The following SLC26A3 variants were observed in gnomAD, a reference collection of about 807,000 sequenced individuals.
SLC26A3 encodes solute carrier family 26 member 3, also known as chloride anion exchanger.
SLC26A3 carries 64 observed loss-of-function variants against 85.6 expected under a neutral mutation model. That is an observed-to-expected ratio of 0.75 (90% CI 0.61 to 0.92). The LOEUF is 0.92. Among genes scored for constraint, SLC26A3 ranks in the 40% least tolerant of loss-of-function variants. The pLI is 0.00. For synonymous variants in SLC26A3, 349 were observed against 336.0 expected (o/e 1.04, Z -0.42); for missense variants, 922 against 927.3 (o/e 0.99, Z 0.07).
At chr7:107,800,877 G>A (rs1220572009) in intron 1 of SLC26A3, among the ~76,000 whole-genome samples, 1 of 152,222 alleles carries the variant, frequency 6.6e-6, no homozygotes, top group Non-Finnish European at 1.5e-5. Flanking sequence ...TTTGGCAGGG[G>A]TGATGACAAA....
At chr7:107,797,170 C>A (rs4730263) in intron 1 of SLC26A3, among the ~76,000 whole-genome samples, 82,508 of 151,578 alleles carry the variant, frequency 0.54, 23,234 homozygotes, top group African/African-American at 0.68. Flanking sequence ...CTGCAAGGGC[C>A]CTGCTCAGGG....
chr7:107,769,650 A>G (rs747971337), intron 18 of SLC26A3, among the ~76,000 whole-genome samples: 47 of 152,168 alleles, frequency 3.1e-4, no homozygotes, highest in Non-Finnish European at 5.4e-4. Flanking sequence ...TCTGGGTGAC[A>G]AAATAATCTA....
intron 11 of SLC26A3, 73 bp downstream of exon 11, chr7:107,782,724 G>T: frequency 7.3e-7 from 1 of 1,364,340 alleles, no homozygotes. Context: ...TTTAGTTTGT[G>T]CTTTCAGAAT....
intron 18 of SLC26A3, among the ~76,000 whole-genome samples, chr7:107,771,398 A>G (rs552116041): frequency 6.6e-6 from 1 of 152,286 alleles, no homozygotes; most frequent in Non-Finnish European, 1.5e-5. Context: ...AATCATAAAC[A>G]TGTAGGAAAT....
chr7:107,800,668 G>A (rs1794583348), intron 1 of SLC26A3, among the ~76,000 whole-genome samples: 1 of 152,220 alleles, frequency 6.6e-6, no homozygotes, highest in African/African-American at 2.4e-5. Context: ...AAGAAAGTTT[G>A]TTGAAATAAA....
chr7:107,782,169 A>G (rs77017506), intron 11 of SLC26A3, among the ~76,000 whole-genome samples: 3 of 152,154 alleles, frequency 2.0e-5, no homozygotes, highest in Non-Finnish European at 2.9e-5. Context: ...GGAACAATGT[A>G]TTTACTGTCA....
intron 17 of SLC26A3, among the ~76,000 whole-genome samples, chr7:107,773,258 G>A (rs1371368043): frequency 6.6e-6 from 1 of 152,054 alleles, no homozygotes; most frequent in Non-Finnish European, 1.5e-5. Flanking sequence ...TTTTTTCCCA[G>A]GACCTTTCCA....
rs1055416477 is a variant in SLC26A3, at chr7:107,765,765, G to C, written c.*90C>G. ...ACATATTCTGTCAAAAATACTCTTC[G>C]TACAATGTATGAACTTATCAATAAC... is the stretch of plus-strand genomic sequence containing the variant. On this transcript the variant is annotated 3_prime_UTR_variant, in exon 21 of 21. Transcript: ENST00000340010. 13 of 961,136 alleles carry C rather than the reference G, an allele frequency of 1.4e-5. No individual in the cohort carries two copies. In the South Asian group the frequency reaches 1.5e-4, roughly 11 times the overall value. The allele number at this position is 961,136 out of a possible 1,614,324, so 59.5% of individuals were successfully genotyped here.
chr7:107,802,742 C>CTTTTTTTTTT (rs35087147), intron 1 of SLC26A3, among the ~76,000 whole-genome samples: 3 of 110,766 alleles, frequency 2.7e-5, no homozygotes, highest in African/African-American at 1.1e-4. Flanking sequence ...TTAAAGCTTG[C>CTTTTTTTTTT]TTTTTTTTTT....
chr7:107,791,990 A>G (rs773845671), intron 3 of SLC26A3, 50 bp from the exon 4 acceptor site: 2 of 1,093,394 alleles, frequency 1.8e-6, no homozygotes, highest in Non-Finnish European at 2.8e-6. Flanking sequence ...GAGGAATCAA[A>G]GACATTCTCA....
chr7:107,793,298 G>A (rs962272523), intron 3 of SLC26A3, among the ~76,000 whole-genome samples: 3 of 152,100 alleles, frequency 2.0e-5, no homozygotes, highest in African/African-American at 4.8e-5. Flanking sequence ...GTTCAAAATA[G>A]CATTACTCAT....
chr7:107,766,392 A>G (rs143703103), intron 20 of SLC26A3, among the ~76,000 whole-genome samples: 1 of 152,314 alleles, frequency 6.6e-6, no homozygotes, highest in East Asian at 1.9e-4. Context: ...GAATACAATT[A>G]CTGAGGAGAG....
chr7:107,770,000 C>G (rs555852579), intron 18 of SLC26A3, among the ~76,000 whole-genome samples: 2 of 130,992 alleles, frequency 1.5e-5, no homozygotes, highest in East Asian at 4.4e-4. Context: ...TTCCTTTTTT[C>G]TCTTTCTTTC....
At chr7:107,801,915 A>G (rs1360673917) in intron 1 of SLC26A3, among the ~76,000 whole-genome samples, 5 of 137,482 alleles carry the variant, frequency 3.6e-5, no homozygotes, top group African/African-American at 1.5e-4. Context: ...CCCCGTCTCT[A>G]CTGAAAATAC....
At chr7:107,777,530 C>T (rs904024957) in intron 13 of SLC26A3, among the ~76,000 whole-genome samples, 1 of 152,074 alleles carries the variant, frequency 6.6e-6, no homozygotes, top group Non-Finnish European at 1.5e-5. Flanking sequence ...GCAGAGGTTG[C>T]AGTGAGCCGA....
chr7:107,798,832 A>G (rs907954006), intron 1 of SLC26A3, among the ~76,000 whole-genome samples: 1 of 152,240 alleles, frequency 6.6e-6, no homozygotes. Context: ...TGAGCCAGTC[A>G]GTGCAAAACC....
chr7:107,788,477 T>C (rs1794334949), intron 6 of SLC26A3, among the ~76,000 whole-genome samples: 1 of 152,162 alleles, frequency 6.6e-6, no homozygotes, highest in Admixed American at 6.5e-5. Flanking sequence ...AGAACTTCAA[T>C]TCTAAAAGAA....
At chr7:107,788,784 C>CTTTTTTTTTTT (rs71861759) in intron 6 of SLC26A3, among the ~76,000 whole-genome samples, 50 of 108,018 alleles carry the variant, frequency 4.6e-4, no homozygotes, top group Non-Finnish European at 5.6e-4. Context: ...TTTTTCTTTT[C>CTTTTTTTTTTT]TTTTTTTTTT....
At chr7:107,767,349 G>A (rs550758414) in intron 20 of SLC26A3, among the ~76,000 whole-genome samples, 1 of 152,308 alleles carries the variant, frequency 6.6e-6, no homozygotes, top group Admixed American at 6.5e-5. Context: ...TTGCATTAAT[G>A]GAGATCTATT....
Sources: gnomAD v4.1 joint callset for allele counts (sites outside exome capture counted in the v4.1 genomes callset) on GRCh38, gnomAD v4.1.1 for gene constraint, MANE v1.5 for transcripts, NCBI Gene and HGNC (gene_info 2026-07-23, HGNC 2026-07-21) for gene names.